Variants in UBE2E2 observed in about 807,000 individuals in gnomAD.
The protein encoded by UBE2E2 is ubiquitin-conjugating enzyme E2 E2.
Under a neutral mutation model 24.7 loss-of-function variants are expected in UBE2E2, and 6 were observed. That is an observed-to-expected ratio of 0.24 (90% CI 0.13 to 0.48). The LOEUF is 0.48. Ranked by LOEUF, UBE2E2 falls within the 20% of genes least tolerant of loss-of-function variation. UBE2E2 has a pLI of 0.99. For missense variants in UBE2E2, 169 were observed against 245.0 expected, an observed-to-expected ratio of 0.69 and a Z score of 2.07; for synonymous variants, 104 against 83.6, an observed-to-expected ratio of 1.24 and a Z score of -1.33.
In UBE2E2 at chr3:23,583,975, G is replaced by A. The variant is rs906004519; in HGVS notation, c.509-5759G>A. On this transcript the variant is annotated intron_variant, in intron 5 of 5. Transcript: ENST00000396703. The surrounding 1 kb of genome is among the most constrained non-coding windows in gnomAD (Gnocchi z 4.1). The stretch of plus-strand genomic sequence containing the variant: ...ATATTGACTAGGAGTAGTGAGAGAG[G>A]GCATCCTTGATTTGTTCTGGATTTC... Among the ~76,000 whole-genome samples, 1 of 152,106 alleles carries A rather than the reference G, an allele frequency of 6.6e-6. No individual in the cohort carries two copies. The highest frequency in any genetic ancestry group is 2.4e-5 in the African/African-American group (1 of 41,400).
rs1699487461 is a variant in UBE2E2, at chr3:23,491,189, T to C, written c.228-8419T>C. On this transcript the variant is annotated intron_variant, in intron 3 of 5. Coordinates refer to ENST00000396703, the MANE Select transcript of UBE2E2 (RefSeq NM_152653.4). Reference sequence around the variant, plus strand: ...TTAAAAAAAAATTAATGAATACAAATACAGGGAATCTCAGGAGTCTATGGA... The same window carrying C: ...TTAAAAAAAAATTAATGAATACAAACACAGGGAATCTCAGGAGTCTATGGA... 3.3e-5 allele frequency among the ~76,000 whole-genome samples: 5 copies of C among 152,176 alleles called. No individual in the cohort carries two copies. The South Asian group carries it at 8.3e-4, about 25-fold the overall frequency.
chr3:23,227,802 T>G (rs1696866724), intron 3 of UBE2E2, among the ~76,000 whole-genome samples: 1 of 152,238 alleles, frequency 6.6e-6, no homozygotes, highest in Non-Finnish European at 1.5e-5. Context: ...GAGCATGGTC[T>G]TGCCTTATGT....
At chr3:23,297,067 G>C (rs537077700) in intron 3 of UBE2E2, among the ~76,000 whole-genome samples, 10 of 152,182 alleles carry the variant, frequency 6.6e-5, no homozygotes, top group Non-Finnish European at 1.5e-4. Flanking sequence ...CGGTGATGAC[G>C]AGCACTTTTT....
intron 3 of UBE2E2, among the ~76,000 whole-genome samples, chr3:23,300,554 G>T (rs1241470421): frequency 2.0e-5 from 3 of 152,144 alleles, no homozygotes; most frequent in African/African-American, 7.2e-5. Flanking sequence ...GCTTAGTTTG[G>T]CTGGATATGA....
chr3:23,353,941 C>A (rs922837103), intron 3 of UBE2E2, among the ~76,000 whole-genome samples: 1 of 152,090 alleles, frequency 6.6e-6, no homozygotes, highest in East Asian at 1.9e-4. Flanking sequence ...CAGTCCTAAG[C>A]CAAAAGAACA....
intron 5 of UBE2E2, among the ~76,000 whole-genome samples, chr3:23,542,448 A>G (rs1695415734): frequency 6.6e-6 from 1 of 152,204 alleles, no homozygotes; most frequent in African/African-American, 2.4e-5. Flanking sequence ...TGCTGGAGAA[A>G]TGATTTAAAG....
intron 4 of UBE2E2, among the ~76,000 whole-genome samples, chr3:23,506,707 C>T (rs1694466528): frequency 6.6e-6 from 1 of 152,074 alleles, no homozygotes; most frequent in African/African-American, 2.4e-5. Flanking sequence ...GATCTCAGCT[C>T]ACTGCAACCT....
chr3:23,589,471 G>A lies in UBE2E2; in HGVS notation c.509-263G>A, dbSNP rs1696711061. Among the ~76,000 whole-genome samples the A allele has an allele frequency of 6.6e-6, 1 of 151,942 alleles. No homozygotes were observed. The highest frequency in any genetic ancestry group is 2.4e-5 in the African/African-American group (1 of 41,374). ...ACGAGGGGAGCAAGGTGAGAAGTAT[G>A]TGGTGGGTACAGGGAAAGAGAATAA... On this transcript the variant is annotated intron_variant, in intron 5 of 5. Transcript: ENST00000396703. This position sits in a 1 kb window ranked among gnomAD's most constrained non-coding sequence, Gnocchi z 4.1.
chr3:23,503,529 T>C (rs1034870968), intron 4 of UBE2E2, among the ~76,000 whole-genome samples: 2 of 152,038 alleles, frequency 1.3e-5, no homozygotes, highest in Non-Finnish European at 2.9e-5. Flanking sequence ...AGCTTTTAGA[T>C]TCATAGATAA....
intron 3 of UBE2E2, among the ~76,000 whole-genome samples, chr3:23,246,281 C>T (rs796150167): frequency 2.1e-5 from 3 of 143,180 alleles, no homozygotes; most frequent in South Asian, 2.2e-4. Flanking sequence ...AGTGCAGTGG[C>T]GCAATCTCGG....
chr3:23,226,467 T>C (rs879647170), intron 3 of UBE2E2, among the ~76,000 whole-genome samples: 2 of 151,922 alleles, frequency 1.3e-5, no homozygotes, highest in Admixed American at 6.6e-5. Context: ...CTCCTAACAT[T>C]AAGTAACTTG....
At chr3:23,457,023 A>G (rs778479) in intron 3 of UBE2E2, among the ~76,000 whole-genome samples, 34,228 of 152,236 alleles carry the variant, frequency 0.22, 3,926 homozygotes, top group East Asian at 0.36. Flanking sequence ...TATTACTTGT[A>G]ATAAGAAGAA....
At chr3:23,490,046 T>C (rs950800394) in intron 3 of UBE2E2, among the ~76,000 whole-genome samples, 18 of 152,218 alleles carry the variant, frequency 1.2e-4, no homozygotes, top group Admixed American at 8.5e-4. Context: ...TGGAGTCCTT[T>C]CAGCTAATTA....
At chr3:23,355,594 A>G (rs1208321685) in intron 3 of UBE2E2, among the ~76,000 whole-genome samples, 1 of 152,186 alleles carries the variant, frequency 6.6e-6, no homozygotes, top group African/African-American at 2.4e-5. Flanking sequence ...ACTAGAAACA[A>G]GTTTAGAAAA....
At chr3:23,540,759 T>C (rs1350163016) in intron 5 of UBE2E2, among the ~76,000 whole-genome samples, 1 of 152,096 alleles carries the variant, frequency 6.6e-6, no homozygotes, top group Non-Finnish European at 1.5e-5. Flanking sequence ...CTGTTGCCTA[T>C]GCTGGACTGT....
At chr3:23,553,282 T>C (rs771903301) in intron 5 of UBE2E2, among the ~76,000 whole-genome samples, 3 of 151,948 alleles carry the variant, frequency 2.0e-5, no homozygotes, top group Admixed American at 6.6e-5. Context: ...TTAAGAATCA[T>C]TGATATTACA....
intron 3 of UBE2E2, among the ~76,000 whole-genome samples, chr3:23,363,916 TAA>T (rs757111049): frequency 7.4e-6 from 1 of 136,016 alleles, no homozygotes; most frequent in African/African-American, 2.7e-5. Flanking sequence ...CTCAGCAACT[TAA>T]AAAAAAAAAA....
chr3:23,266,243 G>C (rs1362347666), intron 3 of UBE2E2, among the ~76,000 whole-genome samples: 1 of 152,250 alleles, frequency 6.6e-6, no homozygotes, highest in South Asian at 2.1e-4. Context: ...TCCTAGCCTC[G>C]ATGGTCTTTA....
chr3:23,498,618 A>G (rs1319865561), intron 3 of UBE2E2, among the ~76,000 whole-genome samples: 2 of 152,150 alleles, frequency 1.3e-5, no homozygotes, highest in African/African-American at 4.8e-5. Context: ...TTTTCTCCAT[A>G]AAGATCTTAC....
Sources: allele counts gnomAD v4.1 joint callset (sites outside exome capture counted in the v4.1 genomes callset), GRCh38; gene constraint gnomAD v4.1.1; non-coding constraint Gnocchi (gnomAD v3.1); transcripts MANE v1.5; gene names NCBI Gene and HGNC (gene_info 2026-07-23, HGNC 2026-07-21).